PTPN23: variants seen among roughly 807,000 people sequenced by gnomAD.
The protein encoded by PTPN23 is protein tyrosine phosphatase non-receptor type 23, also known as tyrosine-protein phosphatase non-receptor type 23.
In PTPN23, 72 loss-of-function variants were observed where a neutral mutation model predicts 156.3. That is an observed-to-expected ratio of 0.46 (90% CI 0.38 to 0.56). PTPN23 has a LOEUF of 0.56. Among genes scored for constraint, PTPN23 ranks in the 20% least tolerant of loss-of-function variants. The probability of loss-of-function intolerance (pLI) is 0.00; values close to 1 mark genes in which losing one functional copy is unlikely to be tolerated. For missense variants in PTPN23, 1,974 were observed against 2,171.5 expected (o/e 0.91, Z 1.81); for synonymous variants, 957 against 899.6 (o/e 1.06, Z -1.14).
At chr3:47,399,918 G>A (rs1704958418) in intron 2 of PTPN23, among the ~76,000 whole-genome samples, 1 of 152,098 alleles carries the variant, frequency 6.6e-6, no homozygotes, top group Admixed American at 6.6e-5. Context: ...GGATTCAAGC[G>A]ATCCTCCTAC....
Position 47,411,357 on chromosome 3 carries a change from G to A in PTPN23, c.3559G>A (p.Asp1187Asn), listed in dbSNP as rs1269848806. The change falls in exon 20 of 25, where the codon GAT becomes AAT. Residue 1187 changes from aspartate to asparagine, a missense_variant. This residue lies in a region of PTPN23 where 731 missense variants were observed against 669.1 expected (regional missense o/e 1.09). Transcript: ENST00000265562. This position sits in a 1 kb window ranked among gnomAD's most constrained non-coding sequence, Gnocchi z 6.3. ...GGAGGCCTTTCGGGGTCAGCTGGGG[G>A]ATGTGGGAGCTCTGGACACTGTCTG... The part of the protein sequence containing the change: ...ELEAFRGQLG[D>N]VGALDTVWRE... 1.2e-6 allele frequency: 2 copies of A among 1,612,980 alleles called. No homozygotes were observed. Among genetic ancestry groups the A allele is most frequent in the Non-Finnish European group, 1.7e-6 (2 of 1,180,026 alleles).
chr3:47,407,756 G>A lies in PTPN23; in HGVS notation c.1063G>A (p.Asp355Asn), dbSNP rs930636210. Residue 355 changes from aspartate (D) to asparagine (N), a missense_variant, in exon 13 of 25, where the codon GAC (aspartate) becomes AAC (asparagine). This residue lies in a region of PTPN23 where 726 missense variants were observed against 929.5 expected (regional missense o/e 0.78). Coordinates refer to ENST00000265562, the MANE Select transcript of PTPN23 (RefSeq NM_015466.4). The surrounding 1 kb of genome is among the most constrained non-coding windows in gnomAD (Gnocchi z 4.0). ...CACAGACCCAGCTGTTACAGGCCCT[G>A]ACATCTTTGCCAAACTGGTACCCAT... ...NPTDPAVTGPDIFAKLVPMAA... is the reference protein window; with the variant it reads ...NPTDPAVTGPNIFAKLVPMAA... 2.5e-6 allele frequency: 4 copies of A among 1,614,002 alleles called. No homozygotes were observed. Among genetic ancestry groups the A allele is most frequent in the Non-Finnish European group, 2.5e-6 (3 of 1,180,028 alleles).
chr3:47,394,119 A>G (rs2107700904), intron 1 of PTPN23, among the ~76,000 whole-genome samples: 1 of 151,984 alleles, frequency 6.6e-6, no homozygotes. Context: ...TTTTGAAGAG[A>G]GTGGGTTCAT....
At position 47,412,879 on chromosome 3, in the gene PTPN23, A is replaced by G. The variant is rs1576235656; in HGVS notation, c.4605A>G (p.Pro1535=). 2 of 1,611,666 alleles carry G rather than the reference A, an allele frequency of 1.2e-6. No individual in the cohort carries two copies. The highest frequency in any genetic ancestry group is 1.7e-6 in the Non-Finnish European group (2 of 1,178,710). ...EPPGLPPASL[P]ESTPIPSSSP... is the part of the protein sequence containing the mutation. ...CAGGCCTCCCGCCAGCCAGCCTCCC[A>G]GAGTCTACCCCAATCCCATCTTCCT... is the stretch of plus-strand genomic sequence containing the variant. Residue 1535 remains proline (P), a synonymous_variant, in exon 25 of 25, where the codon CCA becomes CCG. Transcript: ENST00000265562.
chr3:47,383,863 A>G (rs1196507930), intron 1 of PTPN23, among the ~76,000 whole-genome samples: 1 of 152,116 alleles, frequency 6.6e-6, no homozygotes, highest in Admixed American at 6.6e-5. Context: ...CTGTGCAGAC[A>G]CCACTGCAGC....
rs1705169629 is a variant in PTPN23, at chr3:47,407,968, C to T, written c.1184+13C>T. On this transcript the variant is annotated intron_variant, in intron 14 of 24. Coordinates refer to ENST00000265562, the MANE Select transcript of PTPN23 (RefSeq NM_015466.4). This position sits in a 1 kb window ranked among gnomAD's most constrained non-coding sequence, Gnocchi z 4.0. ...ATGAGGTCCTGGAGTGAGTGTGGGACTTGGGCAGGGAGGCGGAGGCAGGCA... is the reference window on the plus strand; with the variant it reads ...ATGAGGTCCTGGAGTGAGTGTGGGATTTGGGCAGGGAGGCGGAGGCAGGCA... 3 of 1,613,062 alleles carry T rather than the reference C, an allele frequency of 1.9e-6. No homozygotes were observed. The highest frequency in any genetic ancestry group is 2.5e-6 in the Non-Finnish European group (3 of 1,179,650).
At position 47,411,066 on chromosome 3, in the gene PTPN23, C is replaced by G; in HGVS notation, c.3268C>G (p.Pro1090Ala). 6.3e-7 allele frequency: 1 copy of G among 1,586,044 alleles called. No homozygotes were observed. Among genetic ancestry groups the G allele is most frequent in the Non-Finnish European group, 8.6e-7 (1 of 1,167,048 alleles). ...PSPHLVPSPA[P>A]SPGPGPVPPR... ...TCCCCACCTGGTGCCTTCACCTGCCCCATCTCCAGGGCCTGGTCCGGTACC... is the reference window on the plus strand; with the variant it reads ...TCCCCACCTGGTGCCTTCACCTGCCGCATCTCCAGGGCCTGGTCCGGTACC... Residue 1090 changes from proline (P) to alanine (A), a missense_variant, in exon 20 of 25, where the codon CCA becomes GCA. Physicochemically the swap from Pro to Ala is conservative, Grantham distance 27. Coordinates refer to ENST00000265562, the MANE Select transcript of PTPN23 (RefSeq NM_015466.4). This position sits in a 1 kb window ranked among gnomAD's most constrained non-coding sequence, Gnocchi z 6.3.
At chr3:47,395,890 G>A (rs555000116) in intron 1 of PTPN23, among the ~76,000 whole-genome samples, 41 of 152,156 alleles carry the variant, frequency 2.7e-4, no homozygotes, top group Non-Finnish European at 5.9e-4. Flanking sequence ...TCCTGAGCTG[G>A]CAGACTCCTG....
At chr3:47,388,818 T>C (rs1704707600) in intron 1 of PTPN23, among the ~76,000 whole-genome samples, 1 of 151,872 alleles carries the variant, frequency 6.6e-6, no homozygotes, top group African/African-American at 2.4e-5. Context: ...GCACCTGCCA[T>C]CATGTCCAGC....
Position 47,404,696 on chromosome 3 carries a change from C to A in PTPN23, c.204C>A (p.Leu68=), listed in dbSNP as rs199922267. 2 of 1,614,032 alleles carry A rather than the reference C, an allele frequency of 1.2e-6. No individual in the cohort carries two copies. Among genetic ancestry groups the A allele is most frequent in the Non-Finnish European group, 1.7e-6 (2 of 1,180,032 alleles). The change falls in exon 3 of 25, where the codon CTC becomes CTA. Residue 68 remains leucine (L), a synonymous_variant. Transcript: ENST00000265562. ...GAGACTTTGAGGGCTGTAGTGTCCT[C>A]CGCAAGTACCTCGGCCAGCTTCATT... is the stretch of plus-strand genomic sequence containing the variant. The part of the protein sequence containing the change: ...VPRDFEGCSV[L]RKYLGQLHYL...
intron 1 of PTPN23, among the ~76,000 whole-genome samples, chr3:47,382,363 C>A (rs1704562278): frequency 6.6e-6 from 1 of 150,960 alleles, no homozygotes; most frequent in African/African-American, 2.4e-5. Context: ...CTCTTGTTGC[C>A]CAGGCTGGAG....
rs750174324 is a variant in PTPN23, at chr3:47,381,210, C to T, written c.84+30C>T. 5.8e-6 allele frequency: 9 copies of T among 1,558,860 alleles called. No individual in the cohort carries two copies. In the African/African-American group the frequency reaches 1.1e-4, roughly 19 times the overall value. ...GCTTGCCTTCCATCTTCCCCCCTAT[C>T]CGCCGCGTATCTCCGTCGTCTGCAA... On this transcript the variant is annotated intron_variant, in intron 1 of 24. Coordinates refer to ENST00000265562, the MANE Select transcript of PTPN23 (RefSeq NM_015466.4).
chr3:47,403,090 G>A (rs1182510051), intron 2 of PTPN23, among the ~76,000 whole-genome samples: 2 of 148,528 alleles, frequency 1.3e-5, no homozygotes, highest in Admixed American at 6.7e-5. Context: ...TCTCGCTGTC[G>A]CCCAGGCTGG....
rs138389235 is a variant in PTPN23, at chr3:47,412,850, C to A, written c.4576C>A (p.Pro1526Thr). The change falls in exon 25 of 25, where the codon CCC becomes ACC. Residue 1526 changes from proline (P) to threonine (T), a missense_variant. Pro to Thr is a conservative substitution (Grantham distance 38). Transcript: ENST00000265562. ...PVASLPGPAE[P>T]PGLPPASLPE... Reference sequence around the variant, plus strand: ...TGCCAGCTTGCCAGGCCCTGCAGAGCCCCCAGGCCTCCCGCCAGCCAGCCT... The same window carrying A: ...TGCCAGCTTGCCAGGCCCTGCAGAGACCCCAGGCCTCCCGCCAGCCAGCCT... 1,420 of 1,613,334 alleles carry A rather than the reference C, an allele frequency of 8.8e-4. 17 individuals are homozygous for A. In the South Asian group the frequency reaches 0.015, roughly 17 times the overall value.
intron 1 of PTPN23, among the ~76,000 whole-genome samples, chr3:47,390,630 ACT>A (rs1704754740): frequency 6.6e-6 from 1 of 152,042 alleles, no homozygotes; most frequent in Non-Finnish European, 1.5e-5. Context: ...TCTGTCCCTT[ACT>A]CCAGGAACTT....
In PTPN23 at chr3:47,412,531, CTA is replaced by C; in HGVS notation, c.4337_4338del (p.Tyr1446Ter). The part of the protein sequence containing the change: ...LQEKLHLRFC[Y>X]EAVVRHVEQV... ...CTGTGCAGCTGCACCTCAGGTTCTG[CTA>C]TGAGGCAGTGGTGAGACACGTGGAG... On this transcript the variant is annotated frameshift_variant, in exon 24 of 25. Transcript: ENST00000265562. LOFTEE classifies it high-confidence loss of function. The C allele has an allele frequency of 1.2e-6, 2 of 1,613,420 alleles. No homozygotes were observed. The highest frequency in any genetic ancestry group is 1.7e-6 in the Non-Finnish European group (2 of 1,179,910).
intron 2 of PTPN23, among the ~76,000 whole-genome samples, chr3:47,404,425 T>TA (rs1553639485): frequency 0.014 from 2,140 of 149,494 alleles, 21 homozygotes; most frequent in South Asian, 0.026. Flanking sequence ...TTTTTTTTTT[T>TA]AAAAAAGGAA....
At chr3:47,408,141 G>C (rs2107717958) in intron 14 of PTPN23, among the ~76,000 whole-genome samples, 186 bp downstream of exon 14, 1 of 152,286 alleles carries the variant, frequency 6.6e-6, no homozygotes, top group South Asian at 2.1e-4. Context: ...GGGAGGAGGA[G>C]GTGCCTTCTG....
intron 1 of PTPN23, among the ~76,000 whole-genome samples, chr3:47,386,005 C>T (rs944712759): frequency 6.6e-6 from 1 of 152,180 alleles, no homozygotes; most frequent in Non-Finnish European, 1.5e-5. Flanking sequence ...TTCCCTTCCT[C>T]CTGTTTATCA....
Sources: allele counts gnomAD v4.1 joint callset (sites outside exome capture counted in the v4.1 genomes callset), GRCh38; gene constraint gnomAD v4.1.1; regional missense constraint gnomAD v4.1.1; non-coding constraint Gnocchi (gnomAD v3.1); transcripts MANE v1.5; gene names NCBI Gene and HGNC (gene_info 2026-07-23, HGNC 2026-07-21).